Variants in SLC35F5 observed in about 807,000 individuals in gnomAD.
The protein encoded by SLC35F5 is solute carrier family 35 member F5.
SLC35F5 carries 54 observed loss-of-function variants against 68.6 expected under a neutral mutation model. The ratio of observed to expected loss-of-function variants is 0.79; its 90% CI spans 0.63 to 0.99. The LOEUF is 0.99. Ranked by LOEUF, SLC35F5 falls within the 50% of genes least tolerant of loss-of-function variation. The pLI, the probability that SLC35F5 is intolerant of heterozygous loss-of-function variation, is 0.00. For synonymous variants in SLC35F5, 211 were observed against 205.2 expected (o/e 1.03, Z -0.24); for missense variants, 567 against 626.9 (o/e 0.90, Z 1.02).
intron 12 of SLC35F5, among the ~76,000 whole-genome samples, chr2:113,723,486 A>AT (rs1453309593): frequency 6.6e-6 from 1 of 152,096 alleles, no homozygotes; most frequent in African/African-American, 2.4e-5. Flanking sequence ...TATTTCATTA[A>AT]TTTTTTTAAA....
At position 113,710,420 on chromosome 2, in the gene SLC35F5, G is replaced by A. The variant is rs1341699650; in HGVS notation, c.*4798C>T. Among the ~76,000 whole-genome samples the A allele has an allele frequency of 2.0e-5, 3 of 151,994 alleles. No individual in the cohort carries two copies. The highest frequency in any genetic ancestry group is 1.3e-4 in the Admixed American group (2 of 15,252). On this transcript the variant is annotated 3_prime_UTR_variant, in exon 16 of 16. Coordinates refer to ENST00000245680, the MANE Select transcript of SLC35F5 (RefSeq NM_025181.5). ...AAGCTATTCCAAGTAAGCAAATGGT[G>A]GCAAAAACAATCTAAAGAATTGGTT...
chr2:113,742,589 A>C, intron 7 of SLC35F5, 103 bp downstream of exon 7: 1 of 1,193,252 alleles, frequency 8.4e-7, no homozygotes, highest in Non-Finnish European at 1.2e-6. Flanking sequence ...TCATGATTAA[A>C]CAACCTAATT....
At position 113,731,654 on chromosome 2, in the gene SLC35F5, A is replaced by G. The variant is rs1479124611; in HGVS notation, c.921-6T>C. 2 of 1,610,508 alleles carry G rather than the reference A, an allele frequency of 1.2e-6. No individual in the cohort carries two copies. Among genetic ancestry groups the G allele is most frequent in the Non-Finnish European group, 1.7e-6 (2 of 1,176,976 alleles). ...CCAGTACAACGCCTCCAATGCTATG[A>G]GAATAACAGTCATTAATGATGAGCT... On this transcript the variant is annotated splice_region_variant and splice_polypyrimidine_tract_variant and intron_variant, in intron 9 of 15. Transcript: ENST00000245680.
In SLC35F5 at chr2:113,707,726, A is replaced by G. The variant is rs1686838015; in HGVS notation, c.*7492T>C. On this transcript the variant is annotated 3_prime_UTR_variant, in exon 16 of 16. Transcript: ENST00000245680. ...AGGCGTGCACCACCATGCCTGGCTA[A>G]TTTTTTGTATTTTTAGTAGAGAAGG... Among the ~76,000 whole-genome samples, 1 of 151,816 alleles carries G rather than the reference A, an allele frequency of 6.6e-6. No homozygotes were observed. Among genetic ancestry groups the G allele is most frequent in the African/African-American group, 2.4e-5 (1 of 41,318 alleles).
At chr2:113,743,535 C>T (rs3748906) in intron 6 of SLC35F5, among the ~76,000 whole-genome samples, 178 bp downstream of exon 6, 30,566 of 151,908 alleles carry the variant, frequency 0.2, 3,327 homozygotes, top group South Asian at 0.25. Context: ...TGAAATAATA[C>T]AAAAATGATT....
intron 9 of SLC35F5, among the ~76,000 whole-genome samples, chr2:113,732,471 C>G (rs561707407): frequency 1.3e-5 from 2 of 151,832 alleles, no homozygotes; most frequent in East Asian, 3.9e-4. Context: ...TGAGAAAGAC[C>G]AGTGTGGCAG....
At chr2:113,743,620 C>G (rs1676370233) in intron 6 of SLC35F5, 93 bp downstream of exon 6, 2 of 936,752 alleles carry the variant, frequency 2.1e-6, no homozygotes. Context: ...TGGAGCAGAA[C>G]TGCTACATGT....
rs1379380747 is a variant in SLC35F5 at position 113,717,803 on chromosome 2, C to T, written c.1544G>A (p.Ser515Asn). ...EQCESLISMH[S>N]VSQEDGAS is the part of the protein sequence containing the mutation. Reference sequence around the variant, plus strand: ...ACTAGCTCCATCCTCCTGAGAAACACTGTGCATAGAAATGAGACTCTCACA... The same window carrying T: ...ACTAGCTCCATCCTCCTGAGAAACATTGTGCATAGAAATGAGACTCTCACA... The change falls in exon 15 of 16, where the codon AGT (serine) becomes AAT (asparagine). Residue 515 changes from serine (S) to asparagine (N), a missense_variant. By Grantham distance (46) the Ser-to-Asn change is conservative. Coordinates refer to ENST00000245680, the MANE Select transcript of SLC35F5 (RefSeq NM_025181.5). 6.2e-7 allele frequency: 1 copy of T among 1,613,292 alleles called. No homozygotes were observed. The highest frequency in any genetic ancestry group is 2.2e-5 in the East Asian group (1 of 44,874).
At position 113,729,424 on chromosome 2, in the gene SLC35F5, T is replaced by C; in HGVS notation, c.1067A>G (p.Lys356Arg). The part of the protein sequence containing the change: ...MIKRKVDRED[K>R]LDIPMFFGFV... ...ACCAAAGAACATTGGAATATCCAACTTGTCTTCTCTATCTACTTTTCTCTT... is the reference window on the plus strand; with the variant it reads ...ACCAAAGAACATTGGAATATCCAACCTGTCTTCTCTATCTACTTTTCTCTT... The change falls in exon 11 of 16, where the codon AAG (lysine) becomes AGG (arginine). Residue 356 changes from lysine (K) to arginine (R), a missense_variant. Coordinates refer to ENST00000245680, the MANE Select transcript of SLC35F5 (RefSeq NM_025181.5). 2 of 1,568,288 alleles carry C rather than the reference T, an allele frequency of 1.3e-6. No individual in the cohort carries two copies. Among genetic ancestry groups the C allele is most frequent in the Non-Finnish European group, 1.7e-6 (2 of 1,147,790 alleles).
chr2:113,756,626 C>T lies in SLC35F5; in HGVS notation c.-217G>A. 1 of 1,279,218 alleles carries T rather than the reference C, an allele frequency of 7.8e-7. No individual in the cohort carries two copies. Among genetic ancestry groups the T allele is most frequent in the Non-Finnish European group, 1.0e-6 (1 of 973,936 alleles). 79.2% of individuals were successfully genotyped at this position (1,279,218 alleles called of 1,614,324 possible). On this transcript the variant is annotated 5_prime_UTR_variant, in exon 1 of 16. Coordinates refer to ENST00000245680, the MANE Select transcript of SLC35F5 (RefSeq NM_025181.5). ...GGGACGGCACAGTCAGCTATGGCCG[C>T]GGAGGCCCGGAGATCTGCTCTGGCC... is the stretch of plus-strand genomic sequence containing the variant.
intron 4 of SLC35F5, among the ~76,000 whole-genome samples, chr2:113,750,016 A>T (rs1676671898): frequency 6.6e-6 from 1 of 152,140 alleles, no homozygotes; most frequent in South Asian, 2.1e-4. Flanking sequence ...TACGTCTGGA[A>T]ATATGATATT....
At chr2:113,727,784 A>G (rs1026179437) in intron 11 of SLC35F5, among the ~76,000 whole-genome samples, 1 of 151,632 alleles carries the variant, frequency 6.6e-6, no homozygotes, top group Non-Finnish European at 1.5e-5. Context: ...ATCACATCAC[A>G]TATGAACAGG....
intron 1 of SLC35F5, 45 bp from the exon 2 acceptor site, chr2:113,755,589 AAGGT>A (rs921206703): frequency 2.0e-6 from 3 of 1,528,228 alleles, no homozygotes; most frequent in Non-Finnish European, 9.0e-7. Context: ...TGAATAACTC[AAGGT>A]AAGATTCATC....
At chr2:113,753,473 G>C (rs1676840107) in intron 3 of SLC35F5, among the ~76,000 whole-genome samples, 1 of 152,020 alleles carries the variant, frequency 6.6e-6, no homozygotes, top group South Asian at 2.1e-4. Context: ...CACTGCGCCT[G>C]GCCCTATCTC....
intron 5 of SLC35F5, among the ~76,000 whole-genome samples, 174 bp downstream of exon 5, chr2:113,746,103 C>A (rs993861524): frequency 5.3e-5 from 8 of 152,114 alleles, no homozygotes; most frequent in African/African-American, 1.7e-4. Flanking sequence ...ACCTCTAGGC[C>A]CCAGGTAACC....
Position 113,707,042 on chromosome 2 carries a change from A to G in SLC35F5, c.*8176T>C, listed in dbSNP as rs1365400917. On this transcript the variant is annotated 3_prime_UTR_variant, in exon 16 of 16. Coordinates refer to ENST00000245680, the MANE Select transcript of SLC35F5 (RefSeq NM_025181.5). ...ATTTTATAATTGTGTTTAAATTTTAAATACTCTAGAATCTGAAAATATTAA... is the reference window on the plus strand; with the variant it reads ...ATTTTATAATTGTGTTTAAATTTTAGATACTCTAGAATCTGAAAATATTAA... 6.6e-6 allele frequency among the ~76,000 whole-genome samples: 1 copy of G among 152,228 alleles called. No individual in the cohort carries two copies. Among genetic ancestry groups the G allele is most frequent in the African/African-American group, 2.4e-5 (1 of 41,472 alleles).
At chr2:113,729,021 T>G (rs1687778583) in intron 11 of SLC35F5, among the ~76,000 whole-genome samples, 1 of 152,234 alleles carries the variant, frequency 6.6e-6, no homozygotes, top group African/African-American at 2.4e-5. Context: ...TCGGGGGCAG[T>G]CTCCCCAGTC....
rs1245174212 is a variant in SLC35F5, at chr2:113,715,146, A to G, written c.*72T>C. On this transcript the variant is annotated 3_prime_UTR_variant, in exon 16 of 16. Transcript: ENST00000245680. ...GACTAGGCACTGAAACATTTTTTCT[A>G]CAAAAACTTGCCAGAGATTGTCTCT... 3 of 152,236 alleles carry G rather than the reference A, an allele frequency of 2.0e-5. No homozygotes were observed. Among genetic ancestry groups the G allele is most frequent in the African/African-American group, 4.8e-5 (2 of 41,478 alleles). 9.4% of individuals were successfully genotyped at this position (152,236 alleles called of 1,614,324 possible). A position where few individuals can be genotyped will look rare whatever the true frequency, so the allele number is the denominator to read the frequency against.
chr2:113,746,361 C>CA, intron 4 of SLC35F5, 22 bp from the exon 5 acceptor site: 1 of 1,599,258 alleles, frequency 6.3e-7, no homozygotes, highest in African/African-American at 1.3e-5. Context: ...TAACAAGATA[C>CA]AAAATTCAAT....
Sources: gnomAD v4.1 joint callset for allele counts (sites outside exome capture counted in the v4.1 genomes callset) on GRCh38, gnomAD v4.1.1 for gene constraint, MANE v1.5 for transcripts, NCBI Gene and HGNC (gene_info 2026-07-23, HGNC 2026-07-21) for gene names.